The following PRSS23 variants were observed in gnomAD, a reference collection of about 807,000 sequenced individuals.
PRSS23 encodes the protein serine protease 23.
A neutral mutation model predicts 34.7 loss-of-function variants in PRSS23; 25 were observed. The ratio of observed to expected loss-of-function variants is 0.72; its 90% confidence interval spans 0.53 to 1.01. The LOEUF is 1.01. Among genes scored for constraint, PRSS23 ranks in the 50% least tolerant of loss-of-function variants. The pLI is 0.00. For synonymous variants in PRSS23, 176 were observed against 186.6 expected (o/e 0.94, Z 0.46); for missense variants, 445 against 475.6 (o/e 0.94, Z 0.60).
chr11:86,842,087 A>C (rs933049269), intron 2 of PRSS23, among the ~76,000 whole-genome samples: 1 of 152,230 alleles, frequency 6.6e-6, no homozygotes, highest in African/African-American at 2.4e-5. Flanking sequence ...ATCCACCACT[A>C]TCAAGTCAGC....
chr11:86,862,485 G>T (rs1252174467), intron 2 of PRSS23, among the ~76,000 whole-genome samples: 1 of 151,918 alleles, frequency 6.6e-6, no homozygotes, highest in African/African-American at 2.4e-5. Context: ...GTCGCTGTGG[G>T]TGTACACTCT....
intron 2 of PRSS23, among the ~76,000 whole-genome samples, chr11:86,886,094 T>C (rs576879490): frequency 6.6e-6 from 1 of 152,216 alleles, no homozygotes; most frequent in African/African-American, 2.4e-5. Context: ...CCAGCCATGA[T>C]GGCTAACATC....
In PRSS23 at chr11:86,944,827, G is replaced by T. The variant is rs556470262; in HGVS notation, c.207-6389G>T. On this transcript the variant is annotated intron_variant, in intron 2 of 2. Coordinates refer to the PRSS23 transcript ENST00000533902. Reference sequence around the variant, plus strand: ...CATTTAGGGTTTGAGATAAATGTCCGGTAGCAATCTGCAGATAAGGAGAGT... The same window carrying T: ...CATTTAGGGTTTGAGATAAATGTCCTGTAGCAATCTGCAGATAAGGAGAGT... Among the ~76,000 whole-genome samples the T allele has an allele frequency of 4.5e-4, 68 of 152,222 alleles. No individual in the cohort carries two copies. The East Asian group carries it at 6.6e-3, about 15-fold the overall frequency.
chr11:86,939,422 A>G (rs1423558474), intron 2 of PRSS23, among the ~76,000 whole-genome samples: 1 of 88,720 alleles, frequency 1.1e-5, no homozygotes, highest in East Asian at 3.4e-4. Context: ...ATATATATAT[A>G]TATATTTTTT....
In PRSS23 at chr11:86,879,076, G is replaced by A. The variant is rs1272104774; in HGVS notation, c.206+55483G>A. On this transcript the variant is annotated intron_variant, in intron 2 of 2. Transcript: ENST00000533902. Reference sequence around the variant, plus strand: ...AAGTGAGGAGCGTCTCTGCCCGGCCGCCATCCCGTCTAGGAAGTGAGGAGC... The same window carrying A: ...AAGTGAGGAGCGTCTCTGCCCGGCCACCATCCCGTCTAGGAAGTGAGGAGC... Among the ~76,000 whole-genome samples the A allele has an allele frequency of 5.8e-5, 8 of 139,128 alleles. 1 individual carries two copies. The highest frequency in any genetic ancestry group is 1.9e-4 in the African/African-American group (7 of 36,978). 91.3% of individuals were successfully genotyped at this position (139,128 alleles called of 152,430 possible).
chr11:86,881,925 T>C (rs1484059616), intron 2 of PRSS23, among the ~76,000 whole-genome samples: 1 of 152,204 alleles, frequency 6.6e-6, no homozygotes, highest in Admixed American at 6.5e-5. Flanking sequence ...CCTTTTTATT[T>C]TTATAACACC....
chr11:86,799,106 T>C (rs1466704768), upstream of PRSS23, among the ~76,000 whole-genome samples: 1 of 152,122 alleles, frequency 6.6e-6, no homozygotes, highest in Non-Finnish European at 1.5e-5. Flanking sequence ...ATTTAAGAAA[T>C]ACCAGGCCGG....
At chr11:86,885,024 A>G (rs984409869) in intron 2 of PRSS23, among the ~76,000 whole-genome samples, 1 of 152,204 alleles carries the variant, frequency 6.6e-6, no homozygotes, top group Admixed American at 6.5e-5. Flanking sequence ...TATTGTGCTC[A>G]TTGGAATATT....
chr11:86,815,233 A>G (rs532848429), downstream of PRSS23, among the ~76,000 whole-genome samples: 6 of 152,318 alleles, frequency 3.9e-5, no homozygotes, highest in South Asian at 2.1e-4. Flanking sequence ...CTGAAATTCA[A>G]TGCCCCTCAG....
At chr11:86,869,992 G>A (rs1333100616) in intron 2 of PRSS23, among the ~76,000 whole-genome samples, 4 of 152,188 alleles carry the variant, frequency 2.6e-5, no homozygotes. Flanking sequence ...AGCAGGGCTG[G>A]TGCAGATACA....
chr11:86,877,633 G>C (rs1458145995), intron 2 of PRSS23, among the ~76,000 whole-genome samples: 2 of 152,014 alleles, frequency 1.3e-5, no homozygotes, highest in Non-Finnish European at 2.9e-5. Context: ...TGGCACTCTT[G>C]TCAGAAATCA....
At chr11:86,843,601 C>A (rs1432574611) in intron 2 of PRSS23, among the ~76,000 whole-genome samples, 1 of 152,024 alleles carries the variant, frequency 6.6e-6, no homozygotes, top group Non-Finnish European at 1.5e-5. Flanking sequence ...AAAAAGTGGG[C>A]AAAGAATATA....
intron 2 of PRSS23, among the ~76,000 whole-genome samples, chr11:86,830,799 A>G (rs964749330): frequency 1.3e-5 from 2 of 152,112 alleles, no homozygotes; most frequent in African/African-American, 2.4e-5. Context: ...TACTCCTAAT[A>G]TCTCACTGGG....
exon 3 of PRSS23, chr11:86,952,115 G>A (rs1949298482): frequency 1.2e-6 from 2 of 1,614,030 alleles, no homozygotes; most frequent in Non-Finnish European, 1.7e-6. Flanking sequence ...CTCCTTGGCT[G>A]AGCGGCTGTA....
intron 2 of PRSS23, among the ~76,000 whole-genome samples, chr11:86,867,866 C>A (rs1948660133): frequency 1.3e-5 from 1 of 76,576 alleles, no homozygotes; most frequent in African/African-American, 6.9e-5. Flanking sequence ...CAGAGTGAGA[C>A]CCTACCTCAA....
At chr11:86,920,513 G>T (rs1565386458) in intron 2 of PRSS23, among the ~76,000 whole-genome samples, 1 of 152,168 alleles carries the variant, frequency 6.6e-6, no homozygotes, top group Admixed American at 6.5e-5. Context: ...TGGAAGCCTG[G>T]GGACAAACAT....
rs1693962056 is a variant in PRSS23 at position 86,842,872 on chromosome 11, AT to A, written c.206+19282del. On this transcript the variant is annotated intron_variant, in intron 2 of 2. Transcript: ENST00000533902. ...CAAGGTAATTTATAGATTCAATGCC[AT>A]TTCCATCAACTAGCACTAATTTTCT... 2.0e-5 allele frequency among the ~76,000 whole-genome samples: 3 copies of A among 152,232 alleles called. No individual in the cohort carries two copies. The South Asian group carries it at 6.2e-4, about 31-fold the overall frequency.
chr11:86,900,265 G>A (rs546044627), intron 2 of PRSS23, among the ~76,000 whole-genome samples: 7 of 152,336 alleles, frequency 4.6e-5, no homozygotes, highest in African/African-American at 1.7e-4. Flanking sequence ...TTCAAGGTCT[G>A]TAAACTGCAT....
At chr11:86,895,313 C>A (rs903526921) in intron 2 of PRSS23, among the ~76,000 whole-genome samples, 1 of 152,082 alleles carries the variant, frequency 6.6e-6, no homozygotes, top group Admixed American at 6.6e-5. Context: ...CTTCTGCTTT[C>A]ACCTTCACTA....
Sources: allele counts gnomAD v4.1 joint callset (sites outside exome capture counted in the v4.1 genomes callset), GRCh38; gene constraint gnomAD v4.1.1; transcripts MANE v1.5; gene names NCBI Gene and HGNC (gene_info 2026-07-23, HGNC 2026-07-21).